CLVS1: variants seen among roughly 807,000 people sequenced by gnomAD.
CLVS1 encodes the protein clavesin-1.
In CLVS1, 10 loss-of-function variants were observed where a neutral mutation model predicts 33.1. The observed-to-expected ratio is 0.30, with a 90% confidence interval of 0.19 to 0.51. The LOEUF (loss-of-function observed/expected upper bound fraction) is 0.51, where lower values mean the gene tolerates loss of function less well. CLVS1 is among the 20% of genes least tolerant of loss of function. CLVS1 has a pLI of 0.97. For missense variants in CLVS1, 343 were observed against 433.4 expected (o/e 0.79, Z 1.85); for synonymous variants, 163 against 166.1 (o/e 0.98, Z 0.14).
intron 2 of CLVS1, among the ~76,000 whole-genome samples, chr8:61,304,752 G>T (rs1281685949): frequency 6.6e-6 from 1 of 152,108 alleles, no homozygotes; most frequent in African/African-American, 2.4e-5. Context: ...CAGTGCTGGA[G>T]AAGAAAAACT....
chr8:61,151,820 G>A (rs1434783550), intron 2 of CLVS1, among the ~76,000 whole-genome samples: 1 of 152,158 alleles, frequency 6.6e-6, no homozygotes, highest in East Asian at 1.9e-4. Flanking sequence ...TGCTAGGGGT[G>A]ATCCAGTCAA....
At chr8:61,095,240 GA>G (rs1805330117) in intron 1 of CLVS1, among the ~76,000 whole-genome samples, 1 of 152,130 alleles carries the variant, frequency 6.6e-6, no homozygotes, top group Admixed American at 6.5e-5. Flanking sequence ...AATTAAAGAA[GA>G]AAAACCAACT....
At chr8:61,127,597 C>T (rs1806001194) in intron 1 of CLVS1, among the ~76,000 whole-genome samples, 1 of 152,106 alleles carries the variant, frequency 6.6e-6, no homozygotes, top group African/African-American at 2.4e-5. Flanking sequence ...ATGTACAGTA[C>T]ATTTTTAACT....
intron 1 of CLVS1, chr8:61,090,780 A>G (rs979898717): frequency 2.1e-6 from 1 of 476,862 alleles, no homozygotes. Flanking sequence ...AGAGACAGAG[A>G]AGAATTTTCC....
chr8:61,059,457 C>CATAT (rs1375091309), intron 1 of CLVS1, among the ~76,000 whole-genome samples: 2 of 71,108 alleles, frequency 2.8e-5, no homozygotes, highest in African/African-American at 1.0e-4. Flanking sequence ...TATACACACA[C>CATAT]ATATACATAC....
At chr8:61,287,067 T>C (rs539099768), upstream of CLVS1, among the ~76,000 whole-genome samples, 7 of 152,216 alleles carry the variant, frequency 4.6e-5, no homozygotes, top group Non-Finnish European at 8.8e-5. Context: ...ATCCCTAGCA[T>C]AAGGTACGAG....
intron 1 of CLVS1, among the ~76,000 whole-genome samples, chr8:61,114,690 T>C (rs1178654534): frequency 1.3e-5 from 2 of 152,228 alleles, no homozygotes; most frequent in Admixed American, 1.3e-4. Flanking sequence ...AGTTCTAGAA[T>C]GGCCAGAAGA....
At chr8:61,338,681 G>A (rs984056332) in intron 2 of CLVS1, among the ~76,000 whole-genome samples, 8 of 152,280 alleles carry the variant, frequency 5.3e-5, no homozygotes, top group East Asian at 1.9e-4. Flanking sequence ...CAGCTGGCCC[G>A]GTGTCTCTCT....
rs1804796310 is a variant in CLVS1 at position 61,500,999 on chromosome 8, CAAT to C, written c.*1460_*1462del. On this transcript the variant is annotated 3_prime_UTR_variant, in exon 6 of 6. Coordinates refer to ENST00000325897, the MANE Select transcript of CLVS1 (RefSeq NM_173519.3). ...AATTTTTTCCCCTATTGGTAGAGAA[CAAT>C]AACAGAAGTAATTTTTATATTATAC... 2.0e-5 allele frequency: 3 copies of C among 151,882 alleles called. No homozygotes were observed. The South Asian group carries it at 6.2e-4, about 32-fold the overall frequency. The allele number at this position is 151,882 out of a possible 1,614,324, so 9.4% of individuals were successfully genotyped here.
chr8:61,452,959 T>A (rs1817014976), intron 3 of CLVS1, among the ~76,000 whole-genome samples: 1 of 152,086 alleles, frequency 6.6e-6, no homozygotes, highest in Non-Finnish European at 1.5e-5. Context: ...AAAAAGTTAA[T>A]AACCTTTTTT....
intron 2 of CLVS1, among the ~76,000 whole-genome samples, chr8:61,145,180 A>G (rs1479583620): frequency 6.6e-6 from 1 of 152,242 alleles, no homozygotes. Context: ...CTACAGAATG[A>G]GAGAAAATTT....
intron 3 of CLVS1, among the ~76,000 whole-genome samples, chr8:61,425,305 G>T (rs1815841099): frequency 6.6e-6 from 1 of 151,916 alleles, no homozygotes; most frequent in Non-Finnish European, 1.5e-5. Flanking sequence ...GTTTTCATTG[G>T]GTAGGATGTT....
intron 2 of CLVS1, among the ~76,000 whole-genome samples, chr8:61,147,423 G>A (rs890243775): frequency 6.6e-6 from 1 of 152,132 alleles, no homozygotes; most frequent in Non-Finnish European, 1.5e-5. Flanking sequence ...GAAAAAACCC[G>A]GGTGTAAAAG....
At chr8:61,250,840 A>G (rs183322428) in intron 2 of CLVS1, among the ~76,000 whole-genome samples, 32 of 152,306 alleles carry the variant, frequency 2.1e-4, no homozygotes, top group Admixed American at 2.0e-3. Context: ...TTTTCTAAAT[A>G]TACAATCATG....
At chr8:61,127,865 G>C (rs10098638) in intron 1 of CLVS1, among the ~76,000 whole-genome samples, 3,502 of 152,050 alleles carry the variant, frequency 0.023, 145 homozygotes, top group African/African-American at 0.081. Context: ...ATTCTATTTT[G>C]CAGAATTAAC....
chr8:61,437,586 G>T (rs765552883), intron 3 of CLVS1, among the ~76,000 whole-genome samples: 4 of 152,112 alleles, frequency 2.6e-5, no homozygotes, highest in Non-Finnish European at 5.9e-5. Context: ...TTCCTAATAA[G>T]GCAGGACCAA....
chr8:61,338,684 GTCTC>G (rs1008565158), intron 2 of CLVS1, among the ~76,000 whole-genome samples: 4 of 152,190 alleles, frequency 2.6e-5, no homozygotes, highest in African/African-American at 9.7e-5. Context: ...CTGGCCCGGT[GTCTC>G]TCTCCTTTCT....
the CLVS1 span, among the ~76,000 whole-genome samples, chr8:61,049,847 A>G: frequency 6.6e-6 from 1 of 152,260 alleles, no homozygotes; most frequent in African/African-American, 2.4e-5. Flanking sequence ...CTTAGTGTGC[A>G]TAGAAGCGGC....
chr8:61,178,875 T>A (rs953518647), intron 2 of CLVS1, among the ~76,000 whole-genome samples: 6 of 151,994 alleles, frequency 3.9e-5, no homozygotes, highest in African/African-American at 1.4e-4. Flanking sequence ...AAAACCAGTA[T>A]CCACCACTGC....
Sources: allele counts gnomAD v4.1 joint callset (sites outside exome capture counted in the v4.1 genomes callset), GRCh38; gene constraint gnomAD v4.1.1; transcripts MANE v1.5; gene names NCBI Gene and HGNC (gene_info 2026-07-23, HGNC 2026-07-21).